Variants in KRT33A observed in about 807,000 individuals in gnomAD.
The protein encoded by KRT33A is keratin 33A, also known as keratin, type I cuticular Ha3-I.
In KRT33A, 44 loss-of-function variants were observed where a neutral mutation model predicts 41.1. That is an observed-to-expected ratio of 1.07 (90% CI 0.84 to 1.38). KRT33A has a LOEUF of 1.38. Among genes scored for constraint, KRT33A ranks in the 40% most tolerant of loss-of-function variants. The probability of loss-of-function intolerance (pLI) is 0.00; values close to 1 mark genes in which losing one functional copy is unlikely to be tolerated. For missense variants in KRT33A, 536 were observed against 518.5 expected (o/e 1.03, Z -0.33); for synonymous variants, 229 against 227.8 (o/e 1.01, Z -0.05).
Position 41,349,279 on chromosome 17 carries a change from C to G in KRT33A, c.431+67G>C, listed in dbSNP as rs1051797037. On this transcript the variant is annotated intron_variant, in intron 2 of 6. Transcript: ENST00000007735. ...CTGTTTGTTTAACTTGTGTTGACAA[C>G]AGGCTAAAGGAAAGGAGGGCTGCCA... 4.7e-6 allele frequency: 7 copies of G among 1,498,546 alleles called. No homozygotes were observed. In the African/African-American group the frequency reaches 9.6e-5, roughly 21 times the overall value. The allele number at this position is 1,498,546 out of a possible 1,614,324, so 92.8% of individuals were successfully genotyped here.
chr17:41,348,810 C>T (rs1190265456), intron 2 of KRT33A, among the ~76,000 whole-genome samples, 171 bp from the exon 3 acceptor site: 2 of 152,048 alleles, frequency 1.3e-5, no homozygotes, highest in African/African-American at 4.8e-5. Context: ...GGTAATTTTA[C>T]GTTTAAAGAT....
chr17:41,349,704 T>C (rs940669953), intron 1 of KRT33A, among the ~76,000 whole-genome samples: 1 of 151,980 alleles, frequency 6.6e-6, no homozygotes, highest in South Asian at 2.1e-4. Flanking sequence ...ACACCTACTA[T>C]GTTTCTGGCA....
chr17:41,346,466 A>G lies in KRT33A; in HGVS notation c.1079T>C (p.Leu360Pro), dbSNP rs1192343519. The part of the protein sequence containing the change: ...ECEINTYRSL[L>P]ESEDCKLPSN... ...TACTGACTTGCAGTCCTCGCTCTCC[A>G]GCAGGCTCCGGTACGTGTTGATCTC... is the stretch of plus-strand genomic sequence containing the variant. Residue 360 changes from leucine (L) to proline (P), a missense_variant, in exon 6 of 7, where the codon CTG becomes CCG. Physicochemically the swap from Leu to Pro is moderately conservative, Grantham distance 98 (BLOSUM62 -3). Transcript: ENST00000007735. 6.2e-7 allele frequency: 1 copy of G among 1,614,018 alleles called. No individual in the cohort carries two copies. Among genetic ancestry groups the G allele is most frequent in the Admixed American group, 1.7e-5 (1 of 60,020 alleles).
chr17:41,348,982 A>C (rs1308388428), intron 2 of KRT33A, among the ~76,000 whole-genome samples: 1 of 152,188 alleles, frequency 6.6e-6, no homozygotes, highest in East Asian at 1.9e-4. Flanking sequence ...AAAAAAGAAG[A>C]AAGCCAGTGG....
At chr17:41,347,713 A>C (rs1649895492) in intron 3 of KRT33A, among the ~76,000 whole-genome samples, 1 of 152,220 alleles carries the variant, frequency 6.6e-6, no homozygotes, top group African/African-American at 2.4e-5. Flanking sequence ...GATTTTGCTG[A>C]AGGCAATAAG....
At position 41,346,454 on chromosome 17, in the gene KRT33A, T is replaced by A; in HGVS notation, c.1091A>T (p.Asp364Val). ...TTACTACCCCCATACTGACTTGCAG[T>A]CCTCGCTCTCCAGCAGGCTCCGGTA... ...NTYRSLLESE[D>V]CKLPSNPCAT... The change falls in exon 6 of 7, where the codon GAC becomes GTC. Residue 364 changes from aspartate (D) to valine (V), a missense_variant. Asp to Val is a radical substitution (Grantham distance 152). Transcript: ENST00000007735. 3 of 1,613,992 alleles carry A rather than the reference T, an allele frequency of 1.9e-6. No individual in the cohort carries two copies. The highest frequency in any genetic ancestry group is 2.5e-6 in the Non-Finnish European group (3 of 1,179,934).
chr17:41,350,043 G>T (rs1009324603), intron 1 of KRT33A, among the ~76,000 whole-genome samples: 2 of 152,164 alleles, frequency 1.3e-5, no homozygotes, highest in Non-Finnish European at 2.9e-5. Context: ...GGGGCAAAAA[G>T]CTCAGATGAG....
chr17:41,346,801 C>T, intron 5 of KRT33A, 43 bp downstream of exon 5: 1 of 1,609,800 alleles, frequency 6.2e-7, no homozygotes, highest in Non-Finnish European at 8.5e-7. Context: ...GACTCTGCCT[C>T]CCAAGTTCCC....
rs779772146 is a variant in KRT33A at position 41,350,525 on chromosome 17, G to A, written c.243C>T (p.Asn81=). 14 of 1,613,954 alleles carry A rather than the reference G, an allele frequency of 8.7e-6. No homozygotes were observed. Among genetic ancestry groups the A allele is most frequent in the Middle Eastern group, 3.3e-4 (2 of 6,080 alleles). The part of the protein sequence containing the change: ...LEKVRQLERD[N]AELENLIRER... ...CCCGGATGAGGTTCTCCAGCTCCGC[G>A]TTGTCCCGCTCCAGCTGACGCACCT... is the stretch of plus-strand genomic sequence containing the variant. The change falls in exon 1 of 7, where the codon AAC becomes AAT. Residue 81 remains asparagine, a synonymous_variant. Transcript: ENST00000007735.
In KRT33A at chr17:41,346,519, C is replaced by T. The variant is rs753100563; in HGVS notation, c.1026G>A (p.Leu342=). ...ACTCCAGCCGCGCCCGCACGTCCAG[C>T]AGCACCTGATACTCCTGGTTCTGCC... The part of the protein sequence containing the change: ...LERQNQEYQV[L]LDVRARLECE... Residue 342 remains leucine, a synonymous_variant, in exon 6 of 7, where the codon CTG becomes CTA. Coordinates refer to ENST00000007735, the MANE Select transcript of KRT33A (RefSeq NM_004138.4). 1.9e-6 allele frequency: 3 copies of T among 1,614,066 alleles called. No individual in the cohort carries two copies. The highest frequency in any genetic ancestry group is 2.7e-5 in the African/African-American group (2 of 74,928).
Position 41,346,875 on chromosome 17 carries a change from A to G in KRT33A, c.845T>C (p.Leu282Pro), listed in dbSNP as rs1205442227. 6.2e-7 allele frequency: 1 copy of G among 1,612,904 alleles called. No individual in the cohort carries two copies. The change falls in exon 5 of 7, where the codon CTG (leucine) becomes CCG (proline). Residue 282 changes from leucine to proline, a missense_variant. Physicochemically the swap from Leu to Pro is moderately conservative, Grantham distance 98. Transcript: ENST00000007735. Reference sequence around the variant, plus strand: ...GTGCTGGGCCTGCAGCTCGATCTCCAGGGCATTGACCGTGCGTCTCAGCTC... The same window carrying G: ...GTGCTGGGCCTGCAGCTCGATCTCCGGGGCATTGACCGTGCGTCTCAGCTC... ...IIELRRTVNALEIELQAQHNL... is the reference protein window; with the variant it reads ...IIELRRTVNAPEIELQAQHNL...
chr17:41,346,740 T>C (rs1285880847), intron 5 of KRT33A, 72 bp from the exon 6 acceptor site: 4 of 1,609,550 alleles, frequency 2.5e-6, no homozygotes, highest in Non-Finnish European at 3.4e-6. Context: ...TCCAAAGAAC[T>C]CACAAGCTCC....
intron 2 of KRT33A, 127 bp downstream of exon 2, chr17:41,349,219 A>C: frequency 2.3e-6 from 2 of 882,074 alleles, no homozygotes; most frequent in Non-Finnish European, 3.6e-6. Context: ...GGCTCTGTGA[A>C]TCTTGGAGAA....
In KRT33A at chr17:41,347,228, G is replaced by A. The variant is rs2017439884; in HGVS notation, c.589-6C>T. The A allele has an allele frequency of 1.9e-6, 3 of 1,587,996 alleles. No individual in the cohort carries two copies. The highest frequency in any genetic ancestry group is 2.6e-6 in the Non-Finnish European group (3 of 1,170,394). On this transcript the variant is annotated splice_polypyrimidine_tract_variant and splice_region_variant and intron_variant, in intron 3 of 6. Coordinates refer to ENST00000007735, the MANE Select transcript of KRT33A (RefSeq NM_004138.4). Reference sequence around the variant, plus strand: ...CAGCGCAGGGTGTTAACCTCCTGATGGAGAAAGGGCAAAATTTTAAATTTC... The same window carrying A: ...CAGCGCAGGGTGTTAACCTCCTGATAGAGAAAGGGCAAAATTTTAAATTTC...
intron 5 of KRT33A, 74 bp from the exon 6 acceptor site, chr17:41,346,742 A>G (rs1428600893): frequency 6.2e-7 from 1 of 1,609,380 alleles, no homozygotes; most frequent in African/African-American, 1.3e-5. Context: ...CAAAGAACTC[A>G]CAAGCTCCAA....
Position 41,350,809 on chromosome 17 carries a change from T to C in KRT33A, c.-42A>G. The C allele has an allele frequency of 1.3e-6, 2 of 1,569,940 alleles. No homozygotes were observed. The highest frequency in any genetic ancestry group is 2.3e-5 in the South Asian group (2 of 87,022). On this transcript the variant is annotated 5_prime_UTR_variant, in exon 1 of 7. Coordinates refer to ENST00000007735, the MANE Select transcript of KRT33A (RefSeq NM_004138.4). ...GTCCAGCTGAAGACAGAGTCCAAAA[T>C]CTCCAGGTTGTAGAGCGGTGGGTCT...
chr17:41,349,947 C>A (rs1182727189), intron 1 of KRT33A, among the ~76,000 whole-genome samples: 1 of 152,036 alleles, frequency 6.6e-6, no homozygotes, highest in South Asian at 2.1e-4. Flanking sequence ...ACACTGTGCA[C>A]CAGGAGAAGC....
At chr17:41,350,310 C>G in intron 1 of KRT33A, 110 bp downstream of exon 1, 1 of 1,327,130 alleles carries the variant, frequency 7.5e-7, no homozygotes, top group Non-Finnish European at 1.0e-6. Context: ...AATGGAAAGG[C>G]CAGTTTTCAG....
rs377345867 is a variant in KRT33A, at chr17:41,350,779, G to A, written c.-12C>T. 5.6e-6 allele frequency: 9 copies of A among 1,604,972 alleles called. No individual in the cohort carries two copies. Among genetic ancestry groups the A allele is most frequent in the Non-Finnish European group, 7.7e-6 (9 of 1,176,056 alleles). On this transcript the variant is annotated 5_prime_UTR_variant, in exon 1 of 7. Transcript: ENST00000007735. Reference sequence around the variant, plus strand: ...CAACTGTAAGACATGGTGCAGGGAGGGAGTGTCCAGCTGAAGACAGAGTCC... The same window carrying A: ...CAACTGTAAGACATGGTGCAGGGAGAGAGTGTCCAGCTGAAGACAGAGTCC...
Sources: gnomAD v4.1 joint callset for allele counts (sites outside exome capture counted in the v4.1 genomes callset) on GRCh38, gnomAD v4.1.1 for gene constraint, MANE v1.5 for transcripts, NCBI Gene and HGNC (gene_info 2026-07-23, HGNC 2026-07-21) for gene names.